Variants in PHYH observed in about 807,000 individuals in gnomAD.
PHYH encodes the protein phytanoyl-CoA dioxygenase, peroxisomal.
Under a neutral mutation model 38.5 loss-of-function variants are expected in PHYH, and 32 were observed. The observed-to-expected ratio is 0.83, with a 90% CI of 0.63 to 1.12. The LOEUF (loss-of-function observed/expected upper bound fraction) is 1.12. PHYH is among the 50% of genes most tolerant of loss of function. The probability of loss-of-function intolerance (pLI) is 0.00; values close to 1 mark genes in which losing one functional copy is unlikely to be tolerated. For missense variants in PHYH, 426 were observed against 434.8 expected (o/e 0.98, Z 0.18); for synonymous variants, 166 against 157.9 (o/e 1.05, Z -0.38).
intron 4 of PHYH, 109 bp from the exon 5 acceptor site, chr10:13,292,021 T>C: frequency 1.3e-6 from 1 of 759,776 alleles, no homozygotes. Flanking sequence ...AGGCAATAGT[T>C]TAAGAACCAA....
rs565396070 is a variant in PHYH, at chr10:13,295,697, G to A, written c.135-91C>T. 543 of 716,476 alleles carry A rather than the reference G, an allele frequency of 7.6e-4. 1 individual carries two copies. Among genetic ancestry groups the A allele is most frequent in the Admixed American group, 1.7e-3 (86 of 51,620 alleles). The allele number at this position is 716,476 out of a possible 1,614,324, so 44.4% of individuals were successfully genotyped here. ...ACACCTCTAATACTAGCACTTTAGC[G>A]GGCCGAGGCAAGTGGATCACTTGAG... On this transcript the variant is annotated intron_variant, in intron 2 of 8. Coordinates refer to ENST00000263038, the MANE Select transcript of PHYH (RefSeq NM_006214.4).
intron 6 of PHYH, among the ~76,000 whole-genome samples, chr10:13,285,914 T>C (rs753844142): frequency 2.6e-5 from 4 of 151,808 alleles, no homozygotes; most frequent in Non-Finnish European, 4.4e-5. Context: ...CAGGATCTTT[T>C]CTTTTTCTTT....
intron 8 of PHYH, 114 bp from the exon 9 acceptor site, chr10:13,278,468 AG>A: frequency 1.3e-6 from 1 of 766,132 alleles, no homozygotes; most frequent in East Asian, 2.6e-5. Flanking sequence ...AAGGTTACAT[AG>A]GGAAAATAAT....
chr10:13,280,889 G>A, intron 8 of PHYH, 87 bp downstream of exon 8: 1 of 1,283,468 alleles, frequency 7.8e-7, no homozygotes, highest in Non-Finnish European at 1.1e-6. Flanking sequence ...ACTATATACT[G>A]TCAAATAAAC....
At chr10:13,294,662 T>C in intron 3 of PHYH, 66 bp from the exon 4 acceptor site, 1 of 1,420,778 alleles carries the variant, frequency 7.0e-7, no homozygotes, top group Non-Finnish European at 9.9e-7. Context: ...TGCCCTCCTC[T>C]GTGGAAAGGG....
intron 5 of PHYH, among the ~76,000 whole-genome samples, chr10:13,289,478 AG>A (rs1564424887): frequency 6.6e-6 from 1 of 151,454 alleles, no homozygotes; most frequent in African/African-American, 2.4e-5. Flanking sequence ...TCCAGGCGTG[AG>A]CCACCACGCC....
intron 1 of PHYH, 48 bp downstream of exon 1, chr10:13,299,920 G>A (rs1191911836): frequency 1.3e-6 from 2 of 1,490,622 alleles, no homozygotes; most frequent in Non-Finnish European, 1.8e-6. Flanking sequence ...CTCAGGCGGC[G>A]GCGCCGGCGC....
rs766661074 is a variant in PHYH at position 13,299,793 on chromosome 10, C to T, written c.75+175G>A. On this transcript the variant is annotated intron_variant, in intron 1 of 8. Coordinates refer to ENST00000263038, the MANE Select transcript of PHYH (RefSeq NM_006214.4). ...TGTCCTCGGGGGACGCAGCCTCTTC[C>T]CCGCTCCCCGGCTCCTGGAAGAGAC... is the stretch of plus-strand genomic sequence containing the variant. The T allele has an allele frequency of 1.2e-5, 16 of 1,314,098 alleles. No individual in the cohort carries two copies. The East Asian group carries it at 3.8e-4, about 31-fold the overall frequency. The allele number at this position is 1,314,098 out of a possible 1,614,324, so 81.4% of individuals were successfully genotyped here. A position where few individuals can be genotyped will look rare whatever the true frequency, so the allele number is the denominator to read the frequency against.
At position 13,300,060 on chromosome 10, in the gene PHYH, C is replaced by A. The variant is rs1238624300; in HGVS notation, c.-18G>T. On this transcript the variant is annotated 5_prime_UTR_variant, in exon 1 of 9. Coordinates refer to ENST00000263038, the MANE Select transcript of PHYH (RefSeq NM_006214.4). ...TGCTCCATGGCTGCGGCGCGGGGAACCCCCACCCCTCCCGGCCTCTGCCCC... is the reference window on the plus strand; with the variant it reads ...TGCTCCATGGCTGCGGCGCGGGGAAACCCCACCCCTCCCGGCCTCTGCCCC... 3 of 1,529,366 alleles carry A rather than the reference C, an allele frequency of 2.0e-6. No homozygotes were observed. Among genetic ancestry groups the A allele is most frequent in the East Asian group, 2.5e-5 (1 of 40,120 alleles). 94.7% of individuals were successfully genotyped at this position (1,529,366 alleles called of 1,614,324 possible).
At chr10:13,299,538 T>C (rs1255403072) in intron 1 of PHYH, 8 of 1,009,226 alleles carry the variant, frequency 7.9e-6, no homozygotes, top group African/African-American at 1.7e-5. Context: ...GGCACCGTCC[T>C]CTCCCCTCCG....
rs1588504245 is a variant in PHYH, at chr10:13,278,067, C to T, written c.*234G>A. 2.0e-6 allele frequency: 1 copy of T among 503,860 alleles called. No individual in the cohort carries two copies. The highest frequency in any genetic ancestry group is 3.2e-5 in the Admixed American group (1 of 30,814). 31.2% of individuals were successfully genotyped at this position (503,860 alleles called of 1,614,324 possible). On this transcript the variant is annotated 3_prime_UTR_variant, in exon 9 of 9. Transcript: ENST00000263038. ...CACCAACCACCTTTATTGGCTGCCA[C>T]CCTAAATTAGTTTTCCTTAAAACAG...
chr10:13,287,103 G>T (rs825619), intron 6 of PHYH, among the ~76,000 whole-genome samples: 88,539 of 152,068 alleles, frequency 0.58, 27,143 homozygotes, highest in African/African-American at 0.79. Context: ...CACTTTGGGA[G>T]GCAGAGGTGG....
At position 13,298,941 on chromosome 10, in the gene PHYH, A is replaced by G. The variant is rs1339320304; in HGVS notation, c.76-696T>C. 4.5e-5 allele frequency among the ~76,000 whole-genome samples: 3 copies of G among 65,962 alleles called. 1 individual carries two copies. The highest frequency in any genetic ancestry group is 9.3e-5 in the Non-Finnish European group (2 of 21,564). 43.3% of individuals were successfully genotyped at this position (65,962 alleles called of 152,430 possible). On this transcript the variant is annotated intron_variant, in intron 1 of 8. Coordinates refer to ENST00000263038, the MANE Select transcript of PHYH (RefSeq NM_006214.4). ...TCTCAAAAATAATAATAATAATAAT[A>G]ATAATAATAATAATAATAATAATAA...
intron 1 of PHYH, chr10:13,299,385 A>G (rs1832683397): frequency 3.1e-6 from 3 of 982,738 alleles, no homozygotes; most frequent in African/African-American, 3.5e-5. Flanking sequence ...AGCCGAGACA[A>G]CAGGCAAGGC....
intron 2 of PHYH, 29 bp from the exon 3 acceptor site, chr10:13,295,635 G>T: frequency 1.1e-6 from 1 of 945,296 alleles, no homozygotes; most frequent in Non-Finnish European, 1.8e-6. Context: ...CCCAAAATAA[G>T]TTACATTTTT....
intron 8 of PHYH, among the ~76,000 whole-genome samples, chr10:13,279,845 T>C (rs1056191602): frequency 1.3e-5 from 2 of 152,204 alleles, no homozygotes; most frequent in East Asian, 3.8e-4. Context: ...ACAAAATGTA[T>C]AGGCATTTTA....
intron 2 of PHYH, among the ~76,000 whole-genome samples, chr10:13,297,433 C>A (rs556360853): frequency 9.5e-6 from 1 of 104,848 alleles, no homozygotes; most frequent in Non-Finnish European, 2.1e-5. Flanking sequence ...TCCATATAAC[C>A]AAATACAAGC....
rs77860406 is a variant in PHYH, at chr10:13,286,889, A to G, written c.678+1471T>C. Reference sequence around the variant, plus strand: ...ACAGAAAGCAGCTCAGTGGTTGCCTAGAGCAGGGAGAAGGATGGAGTATCT... The same window carrying G: ...ACAGAAAGCAGCTCAGTGGTTGCCTGGAGCAGGGAGAAGGATGGAGTATCT... On this transcript the variant is annotated intron_variant, in intron 6 of 8. Transcript: ENST00000263038. 7.1e-3 allele frequency among the ~76,000 whole-genome samples: 1,083 copies of G among 152,326 alleles called. 11 individuals are homozygous for G. The highest frequency in any genetic ancestry group is 0.024 in the African/African-American group (1,011 of 41,570).
At position 13,277,872 on chromosome 10, in the gene PHYH, T is replaced by C. The variant is rs2131626346; in HGVS notation, c.*429A>G. On this transcript the variant is annotated 3_prime_UTR_variant, in exon 9 of 9. Coordinates refer to ENST00000263038, the MANE Select transcript of PHYH (RefSeq NM_006214.4). ...TGCCCTTGACTAGATGTGAATGTAT[T>C]ATACATTGTTCTAGATTTGGGGGAA... 2 of 287,964 alleles carry C rather than the reference T, an allele frequency of 6.9e-6. No homozygotes were observed. The highest frequency in any genetic ancestry group is 1.2e-3 in the Middle Eastern group (1 of 802). 17.8% of individuals were successfully genotyped at this position (287,964 alleles called of 1,614,324 possible).
Sources: gnomAD v4.1 joint callset for allele counts (sites outside exome capture counted in the v4.1 genomes callset) on GRCh38, gnomAD v4.1.1 for gene constraint, MANE v1.5 for transcripts, NCBI Gene and HGNC (gene_info 2026-07-23, HGNC 2026-07-21) for gene names.